Variants in SGIP1 observed in about 807,000 individuals in gnomAD.
The protein encoded by SGIP1 is SH3-containing GRB2-like protein 3-interacting protein 1.
A neutral mutation model predicts 107.5 loss-of-function variants in SGIP1; 38 were observed. The ratio of observed to expected loss-of-function variants is 0.35; its 90% confidence interval spans 0.27 to 0.46. SGIP1 has a LOEUF of 0.46. Among genes scored for constraint, SGIP1 ranks in the 20% least tolerant of loss-of-function variants. The probability of loss-of-function intolerance (pLI) is 1.00; values close to 1 mark genes in which losing one functional copy is unlikely to be tolerated. For synonymous variants in SGIP1, 365 were observed against 366.1 expected, an observed-to-expected ratio of 1.00 and a Z score of 0.03; for missense variants, 929 against 1,019.5, an observed-to-expected ratio of 0.91 and a Z score of 1.21.
chr1:66,546,603 A>AGG (rs757767839), intron 1 of SGIP1, among the ~76,000 whole-genome samples: 1 of 152,194 alleles, frequency 6.6e-6, no homozygotes, highest in Non-Finnish European at 1.5e-5. Context: ...GCTTAGATTA[A>AGG]GGAGTCTTGT....
At chr1:66,632,315 A>G (rs1175947838) in intron 2 of SGIP1, among the ~76,000 whole-genome samples, 3 of 152,202 alleles carry the variant, frequency 2.0e-5, no homozygotes, top group Non-Finnish European at 4.4e-5. Flanking sequence ...TTTAGTCATC[A>G]GAAGGAGGCA....
At chr1:66,559,418 A>C (rs181668951) in intron 1 of SGIP1, among the ~76,000 whole-genome samples, 28 of 152,238 alleles carry the variant, frequency 1.8e-4, no homozygotes, top group Admixed American at 1.8e-3. Flanking sequence ...ACACACCTAC[A>C]TAAGCACATG....
At chr1:66,553,108 G>A (rs17487140) in intron 1 of SGIP1, among the ~76,000 whole-genome samples, 18,814 of 152,150 alleles carry the variant, frequency 0.12, 1,634 homozygotes, top group Non-Finnish European at 0.18. Flanking sequence ...CTCCATGTTT[G>A]GGTCACGGTT....
intron 1 of SGIP1, among the ~76,000 whole-genome samples, chr1:66,603,771 T>TA (rs2066308553): frequency 6.6e-6 from 1 of 152,232 alleles, no homozygotes; most frequent in Admixed American, 6.5e-5. Flanking sequence ...TTGATAGATC[T>TA]ATGTCTAAAC....
At chr1:66,609,279 A>G (rs974253688) in intron 1 of SGIP1, among the ~76,000 whole-genome samples, 2 of 152,196 alleles carry the variant, frequency 1.3e-5, no homozygotes, top group Non-Finnish European at 2.9e-5. Context: ...GAAGAAAGGG[A>G]AAAATATCCA....
chr1:66,695,386 T>G (rs1436223264), intron 17 of SGIP1, 48 bp from the exon 18 acceptor site: 1 of 1,613,716 alleles, frequency 6.2e-7, no homozygotes, highest in East Asian at 2.2e-5. Flanking sequence ...TCCTTCTCTC[T>G]CCCTTTCCTT....
chr1:66,724,568 G>A (rs764825431), intron 19 of SGIP1, among the ~76,000 whole-genome samples: 21 of 152,160 alleles, frequency 1.4e-4, no homozygotes, highest in East Asian at 3.9e-4. Flanking sequence ...ACAGGACTAC[G>A]TGGACTACTT....
intron 1 of SGIP1, among the ~76,000 whole-genome samples, chr1:66,609,371 T>C (rs372365220): frequency 6.6e-6 from 1 of 152,196 alleles, no homozygotes; most frequent in East Asian, 1.9e-4. Flanking sequence ...GGCCATAGTT[T>C]GAAGACAAAG....
At chr1:66,576,009 TGAGA>T (rs1315258233) in intron 1 of SGIP1, among the ~76,000 whole-genome samples, 1 of 152,208 alleles carries the variant, frequency 6.6e-6, no homozygotes, top group African/African-American at 2.4e-5. Flanking sequence ...TGCACTGCAC[TGAGA>T]GTGAAGATGG....
chr1:66,721,970 A>G (rs1467814219), intron 19 of SGIP1, among the ~76,000 whole-genome samples: 2 of 152,038 alleles, frequency 1.3e-5, no homozygotes, highest in Non-Finnish European at 2.9e-5. Flanking sequence ...AATGCTTCAT[A>G]ATACTCTTAC....
intron 1 of SGIP1, among the ~76,000 whole-genome samples, chr1:66,621,308 A>G (rs984726535): frequency 6.6e-6 from 1 of 152,244 alleles, no homozygotes; most frequent in African/African-American, 2.4e-5. Context: ...AACCAAAAGC[A>G]GTAACATGTG....
chr1:66,731,297 A>G (rs919417612), intron 20 of SGIP1, among the ~76,000 whole-genome samples: 1 of 152,118 alleles, frequency 6.6e-6, no homozygotes. Flanking sequence ...CTCCATCTGA[A>G]ATTAGGAATT....
intron 18 of SGIP1, among the ~76,000 whole-genome samples, chr1:66,702,407 G>T (rs1227948769): frequency 6.6e-6 from 1 of 152,026 alleles, no homozygotes; most frequent in Non-Finnish European, 1.5e-5. Flanking sequence ...AATGTCTCTG[G>T]GTCTCTGTTC....
At chr1:66,628,081 T>C (rs529002389) in intron 2 of SGIP1, among the ~76,000 whole-genome samples, 93 of 152,272 alleles carry the variant, frequency 6.1e-4, no homozygotes, top group African/African-American at 2.2e-3. Flanking sequence ...ATGAACTCAT[T>C]ATTTTTTATG....
At chr1:66,723,353 T>C (rs1361231539) in intron 19 of SGIP1, among the ~76,000 whole-genome samples, 2 of 152,194 alleles carry the variant, frequency 1.3e-5, no homozygotes, top group East Asian at 1.9e-4. Flanking sequence ...CATTTAAATA[T>C]AGTTATACTG....
At chr1:66,572,555 T>C (rs988622747) in intron 1 of SGIP1, among the ~76,000 whole-genome samples, 8 of 152,114 alleles carry the variant, frequency 5.3e-5, no homozygotes, top group Admixed American at 1.3e-4. Flanking sequence ...CATTATGTTG[T>C]CCTTAAGTCT....
intron 24 of SGIP1, among the ~76,000 whole-genome samples, chr1:66,742,539 G>A (rs1247410192): frequency 2.3e-4 from 29 of 123,626 alleles, no homozygotes; most frequent in Non-Finnish European, 4.4e-4. Context: ...GCGCTATCCC[G>A]GCTCACTGCA....
intron 15 of SGIP1, among the ~76,000 whole-genome samples, chr1:66,683,700 CTTTTTTTTTTTT>C (rs869266510): frequency 0.011 from 661 of 61,422 alleles, 8 homozygotes; most frequent in Middle Eastern, 0.062. Flanking sequence ...TGTTTCTTTT[CTTTTTTTTTTTT>C]TTTTTTTTTT....
chr1:66,681,894 C>A lies in SGIP1; in HGVS notation c.840C>A (p.Val280=). The A allele has an allele frequency of 6.2e-7, 1 of 1,613,338 alleles. No individual in the cohort carries two copies. Residue 280 remains valine (V), a synonymous_variant, in exon 15 of 25, where the codon GTC becomes GTA. Coordinates refer to ENST00000371037, the MANE Select transcript of SGIP1 (RefSeq NM_032291.4). ...GPGNDQSATE[V]KIEKLPSIND... Reference sequence around the variant, plus strand: ...GAAATGACCAGTCAGCCACAGAGGTCAAAATTGAAAAACTACCATCCATCA... The same window carrying A: ...GAAATGACCAGTCAGCCACAGAGGTAAAAATTGAAAAACTACCATCCATCA...
Sources: gnomAD v4.1 joint callset for allele counts (sites outside exome capture counted in the v4.1 genomes callset) on GRCh38, gnomAD v4.1.1 for gene constraint, MANE v1.5 for transcripts, NCBI Gene and HGNC (gene_info 2026-07-23, HGNC 2026-07-21) for gene names.